Variants in MACROD2 observed in about 807,000 individuals in gnomAD.
The protein encoded by MACROD2 is mono-ADP ribosylhydrolase 2, also known as ADP-ribose glycohydrolase MACROD2.
Under a neutral mutation model 70.4 loss-of-function variants are expected in MACROD2, and 36 were observed. The observed-to-expected ratio is 0.51, with a 90% CI of 0.39 to 0.68. The LOEUF is 0.68. Ranked by LOEUF, MACROD2 falls within the 30% of genes least tolerant of loss-of-function variation. MACROD2 has a pLI of 0.00. For synonymous variants in MACROD2, 172 were observed against 178.8 expected, an observed-to-expected ratio of 0.96 and a Z score of 0.30; for missense variants, 496 against 538.4, an observed-to-expected ratio of 0.92 and a Z score of 0.78.
chr20:15,035,630 C>T (rs2075307055), intron 5 of MACROD2, among the ~76,000 whole-genome samples: 2 of 152,098 alleles, frequency 1.3e-5, no homozygotes, highest in African/African-American at 4.8e-5. Flanking sequence ...ACTGAGGCTC[C>T]TACTTGATAC....
chr20:14,528,352 C>G (rs2085260588), intron 4 of MACROD2, among the ~76,000 whole-genome samples: 1 of 145,372 alleles, frequency 6.9e-6, no homozygotes, highest in Non-Finnish European at 1.5e-5. Context: ...GATGGTTTCT[C>G]CATGTTGGTC....
At chr20:15,316,193 C>A (rs1468441794) in intron 6 of MACROD2, among the ~76,000 whole-genome samples, 1 of 150,320 alleles carries the variant, frequency 6.7e-6, no homozygotes, top group African/African-American at 2.4e-5. Flanking sequence ...AAACAAATAG[C>A]AAAATGACAG....
At chr20:15,180,868 A>G (rs778724071) in intron 5 of MACROD2, among the ~76,000 whole-genome samples, 1 of 152,242 alleles carries the variant, frequency 6.6e-6, no homozygotes. Flanking sequence ...TTTTCTAGTT[A>G]TAATCATCAT....
chr20:15,329,355 C>T (rs987880215), intron 6 of MACROD2, among the ~76,000 whole-genome samples: 7 of 152,066 alleles, frequency 4.6e-5, no homozygotes, highest in African/African-American at 1.7e-4. Flanking sequence ...CTGGAGATCT[C>T]AGTCTACATG....
chr20:15,318,581 T>C (rs2077839688), intron 6 of MACROD2, among the ~76,000 whole-genome samples: 1 of 152,042 alleles, frequency 6.6e-6, no homozygotes. Flanking sequence ...CAAGAAATAC[T>C]AGCAAACTCA....
chr20:15,182,382 C>T (rs1193409511), intron 5 of MACROD2, among the ~76,000 whole-genome samples: 1 of 151,982 alleles, frequency 6.6e-6, no homozygotes. Context: ...ATCTAGTGAG[C>T]TGTGAATAAA....
chr20:15,700,345 A>C (rs962253585), intron 8 of MACROD2, among the ~76,000 whole-genome samples: 1 of 152,188 alleles, frequency 6.6e-6, no homozygotes, highest in African/African-American at 2.4e-5. Context: ...AGGGAGCATC[A>C]GGCTGCAAGG....
At chr20:14,927,136 G>A (rs2074242900) in intron 5 of MACROD2, among the ~76,000 whole-genome samples, 1 of 152,108 alleles carries the variant, frequency 6.6e-6, no homozygotes, top group Non-Finnish European at 1.5e-5. Context: ...AACATATCGA[G>A]TGTGGATCCC....
intron 8 of MACROD2, among the ~76,000 whole-genome samples, chr20:15,580,908 G>C (rs2048514678): frequency 6.6e-6 from 1 of 152,210 alleles, no homozygotes; most frequent in Admixed American, 6.5e-5. Context: ...GATAAAGTCT[G>C]TGGGGCCTGC....
intron 2 of MACROD2, among the ~76,000 whole-genome samples, chr20:14,025,081 T>C (rs2148627541): frequency 6.6e-6 from 1 of 152,328 alleles, no homozygotes; most frequent in Middle Eastern, 3.4e-3. Context: ...TTTGACTTCT[T>C]TCTGGTTTGG....
intron 6 of MACROD2, among the ~76,000 whole-genome samples, chr20:15,337,268 C>G (rs112818603): frequency 6.6e-6 from 1 of 151,564 alleles, no homozygotes; most frequent in Non-Finnish European, 1.5e-5. Flanking sequence ...TTTGTTTGTT[C>G]GGTTGGTTTT....
intron 8 of MACROD2, among the ~76,000 whole-genome samples, chr20:15,584,548 C>G (rs1158164896): frequency 6.6e-6 from 1 of 152,114 alleles, no homozygotes; most frequent in African/African-American, 2.4e-5. Context: ...AAGAAAAACC[C>G]TAAGCAAATA....
At chr20:15,064,980 G>A (rs1435254793) in intron 5 of MACROD2, among the ~76,000 whole-genome samples, 1 of 152,102 alleles carries the variant, frequency 6.6e-6, no homozygotes, top group African/African-American at 2.4e-5. Context: ...CACACCATAT[G>A]AATAGCCACG....
chr20:15,322,042 C>T lies in MACROD2; in HGVS notation c.540+91981C>T, dbSNP rs979298283. Among the ~76,000 whole-genome samples, 25 of 143,848 alleles carry T rather than the reference C, an allele frequency of 1.7e-4. 5 individuals carry two copies. The highest frequency in any genetic ancestry group is 1.2e-3 in the Admixed American group (17 of 14,334). The allele number at this position is 143,848 out of a possible 152,430, so 94.4% of individuals were successfully genotyped here. ...TCTTGACCTTGTGATCTGCCCGCCT[C>T]GGCCTCCCAAAGTGCTGGGATTACA... On this transcript the variant is annotated intron_variant, in intron 6 of 17. Transcript: ENST00000684519.
At chr20:15,835,992 A>C (rs756366519) in intron 8 of MACROD2, among the ~76,000 whole-genome samples, 1 of 152,202 alleles carries the variant, frequency 6.6e-6, no homozygotes, top group African/African-American at 2.4e-5. Context: ...AGCCCCTGGG[A>C]ACACAGGCCA....
chr20:15,233,642 A>C (rs562355246), intron 6 of MACROD2, among the ~76,000 whole-genome samples: 1 of 152,008 alleles, frequency 6.6e-6, no homozygotes, highest in Non-Finnish European at 1.5e-5. Context: ...CTGTTTTTTC[A>C]TACCTATCCA....
At chr20:16,024,073 A>T (rs113144984) in intron 15 of MACROD2, among the ~76,000 whole-genome samples, 1,634 of 152,320 alleles carry the variant, frequency 0.011, 27 homozygotes, top group African/African-American at 0.037. Flanking sequence ...CCAAATAGCT[A>T]GGAGACTTAG....
At position 16,052,796 on chromosome 20, in the gene MACROD2, T is replaced by C. The variant is rs1002867406; in HGVS notation, c.*2920T>C. Reference sequence around the variant, plus strand: ...GTATGTGGCGCATGTCGGCTTTGCTTTGAAAAATAACAAAGTTAGCAGAAT... The same window carrying C: ...GTATGTGGCGCATGTCGGCTTTGCTCTGAAAAATAACAAAGTTAGCAGAAT... On this transcript the variant is annotated 3_prime_UTR_variant, in exon 18 of 18. Transcript: ENST00000684519. 6.6e-6 allele frequency: 1 copy of C among 152,638 alleles called. No individual in the cohort carries two copies. The highest frequency in any genetic ancestry group is 1.5e-5 in the Non-Finnish European group (1 of 68,032). 9.5% of individuals were successfully genotyped at this position (152,638 alleles called of 1,614,324 possible). A position where few individuals can be genotyped will look rare whatever the true frequency, so the allele number is the denominator to read the frequency against.
chr20:15,227,354 C>T (rs1203449772), intron 5 of MACROD2, among the ~76,000 whole-genome samples: 3 of 150,934 alleles, frequency 2.0e-5, no homozygotes, highest in African/African-American at 4.9e-5. Flanking sequence ...TCTCCCTTAT[C>T]CCTCCCTCCC....
Sources: allele counts gnomAD v4.1 joint callset (sites outside exome capture counted in the v4.1 genomes callset), GRCh38; gene constraint gnomAD v4.1.1; transcripts MANE v1.5; gene names NCBI Gene and HGNC (gene_info 2026-07-23, HGNC 2026-07-21).